The following ADARB1 variants were observed in gnomAD, a reference collection of about 807,000 sequenced individuals.
ADARB1 encodes the protein adenosine deaminase RNA specific B1.
Under a neutral mutation model 52.4 loss-of-function variants are expected in ADARB1, and 10 were observed. The ratio of observed to expected loss-of-function variants is 0.19; its 90% CI spans 0.12 to 0.32. The LOEUF (loss-of-function observed/expected upper bound fraction) is 0.32. Ranked by LOEUF, ADARB1 falls within the 10% of genes least tolerant of loss-of-function variation. ADARB1 has a pLI of 1.00. For missense variants in ADARB1, 643 were observed against 922.3 expected (o/e 0.70, Z 3.92); for synonymous variants, 349 against 371.1 (o/e 0.94, Z 0.68).
rs775079792 is a variant in ADARB1, at chr21:45,150,245, G to T, written c.-47-21365G>T. 7.2e-4 allele frequency among the ~76,000 whole-genome samples: 110 copies of T among 152,340 alleles called. No individual in the cohort carries two copies. In the Middle Eastern group the frequency reaches 0.014, roughly 19 times the overall value. On this transcript the variant is annotated intron_variant, in intron 2 of 10. Coordinates refer to ENST00000348831, the MANE Select transcript of ADARB1 (RefSeq NM_001112.4). ...GCTGAGATCCTGCCGCTGCATTCCA[G>T]CCTGGGCAACAGAGCAAAACTCTGT... is the stretch of plus-strand genomic sequence containing the variant.
intron 1 of ADARB1, among the ~76,000 whole-genome samples, chr21:45,100,321 G>A (rs1278890430): frequency 1.3e-5 from 2 of 152,100 alleles, no homozygotes; most frequent in African/African-American, 4.8e-5. Flanking sequence ...ACTGGCCCCC[G>A]TCAGTCACTG....
At chr21:45,211,869 T>TG (rs1318409227) in intron 9 of ADARB1, among the ~76,000 whole-genome samples, 2 of 152,320 alleles carry the variant, frequency 1.3e-5, no homozygotes, top group African/African-American at 4.8e-5. Flanking sequence ...CACACTGCAC[T>TG]GGCCTCAGGG....
At chr21:45,181,850 A>C (rs993333357) in intron 5 of ADARB1, among the ~76,000 whole-genome samples, 7 of 152,242 alleles carry the variant, frequency 4.6e-5, no homozygotes, top group African/African-American at 1.7e-4. Flanking sequence ...CATTAGTAGC[A>C]TGAGCCTCAG....
intron 2 of ADARB1, among the ~76,000 whole-genome samples, chr21:45,156,656 C>T (rs1263859989): frequency 6.6e-6 from 1 of 151,980 alleles, no homozygotes; most frequent in Non-Finnish European, 1.5e-5. Flanking sequence ...GTCATCCATT[C>T]ATCCATCCAC....
At chr21:45,097,980 C>T (rs1183838450) in intron 1 of ADARB1, among the ~76,000 whole-genome samples, 1 of 152,128 alleles carries the variant, frequency 6.6e-6, no homozygotes, top group Non-Finnish European at 1.5e-5. Context: ...AGCCTTTCTC[C>T]TTACAGTGAA....
chr21:45,093,284 C>T (rs966742821), intron 1 of ADARB1, among the ~76,000 whole-genome samples: 2 of 152,164 alleles, frequency 1.3e-5, no homozygotes, highest in Admixed American at 6.5e-5. Context: ...GTAGGAGTCT[C>T]GGGTAGGAGA....
intron 2 of ADARB1, chr21:45,145,877 C>G (rs1351143825): frequency 6.6e-6 from 1 of 152,220 alleles, no homozygotes; most frequent in Admixed American, 6.5e-5. Context: ...AAAGTCATAT[C>G]TCATTTAGTA....
chr21:45,084,333 C>T (rs953356842), intron 1 of ADARB1, among the ~76,000 whole-genome samples: 1 of 152,200 alleles, frequency 6.6e-6, no homozygotes, highest in Non-Finnish European at 1.5e-5. Flanking sequence ...GAGGCTCACG[C>T]GAGGCTGGCA....
At chr21:45,092,555 G>T (rs1356903751) in intron 1 of ADARB1, among the ~76,000 whole-genome samples, 1 of 152,124 alleles carries the variant, frequency 6.6e-6, no homozygotes, top group East Asian at 1.9e-4. Context: ...CAGGAATTCG[G>T]CTTTAGTCAA....
rs1157533122 is a variant in ADARB1 at position 45,106,888 on chromosome 21, G to C, written c.-219-21514G>C. On this transcript the variant is annotated intron_variant, in intron 1 of 10. Transcript: ENST00000348831. Reference sequence around the variant, plus strand: ...AGGCTGCACAAAGCACAGATGTGCAGTTTCATTAGTCAATATGGAGGAATC... The same window carrying C: ...AGGCTGCACAAAGCACAGATGTGCACTTTCATTAGTCAATATGGAGGAATC... Among the ~76,000 whole-genome samples the C allele has an allele frequency of 2.0e-5, 3 of 152,300 alleles. No homozygotes were observed. The East Asian group carries it at 5.8e-4, about 29-fold the overall frequency.
In ADARB1 at chr21:45,221,077, C is replaced by G. The variant is rs2146463539; in HGVS notation, c.1926+63C>G. 6.6e-7 allele frequency: 1 copy of G among 1,508,576 alleles called. No homozygotes were observed. Among genetic ancestry groups the G allele is most frequent in the South Asian group, 1.2e-5 (1 of 82,762 alleles). 93.4% of individuals were successfully genotyped at this position (1,508,576 alleles called of 1,614,324 possible). On this transcript the variant is annotated intron_variant, in intron 10 of 10. Transcript: ENST00000348831. This position sits in a 1 kb window ranked among gnomAD's most constrained non-coding sequence, Gnocchi z 4.9. ...CTCCCCAATAGCTTGTCTGTCCTCA[C>G]ACCTACTGTTCCTTAAGTTGTTTCA...
intron 9 of ADARB1, among the ~76,000 whole-genome samples, chr21:45,209,237 C>CT (rs34361145): frequency 0.033 from 4,967 of 151,380 alleles, 121 homozygotes; most frequent in Non-Finnish European, 0.048. Flanking sequence ...TTTTATCGTG[C>CT]TTTTTTTTTA....
chr21:45,125,604 T>C (rs997049300), intron 1 of ADARB1, among the ~76,000 whole-genome samples: 10 of 152,276 alleles, frequency 6.6e-5, no homozygotes, highest in East Asian at 1.9e-4. Flanking sequence ...CTGGGACTCA[T>C]TGGGGGAAGT....
Position 45,157,387 on chromosome 21 carries a change from C to T in ADARB1, c.-47-14223C>T, listed in dbSNP as rs1348418205. Among the ~76,000 whole-genome samples the T allele has an allele frequency of 6.6e-6, 1 of 152,060 alleles. No homozygotes were observed. ...CCCTTTGATTCCAGAAAATTAACTA[C>T]AATTTTCAAATAAGCAGGAACTTAC... On this transcript the variant is annotated intron_variant, in intron 2 of 10. Transcript: ENST00000348831. The surrounding 1 kb of genome is among the most constrained non-coding windows in gnomAD (Gnocchi z 4.1).
intron 1 of ADARB1, among the ~76,000 whole-genome samples, chr21:45,099,121 T>A (rs1299875456): frequency 6.6e-6 from 1 of 152,170 alleles, no homozygotes; most frequent in Non-Finnish European, 1.5e-5. Context: ...TAGCCGTGGA[T>A]CATAGCCTGA....
In ADARB1 at chr21:45,129,548, A is replaced by G. The variant is rs184220849; in HGVS notation, c.-48+975A>G. On this transcript the variant is annotated intron_variant, in intron 2 of 10. Coordinates refer to ENST00000348831, the MANE Select transcript of ADARB1 (RefSeq NM_001112.4). ...CTGACGAGCGCCCACTGGGCCTCAGATGCCCTCTGGGCATGGCAGGGACCA... is the reference window on the plus strand; with the variant it reads ...CTGACGAGCGCCCACTGGGCCTCAGGTGCCCTCTGGGCATGGCAGGGACCA... Among the ~76,000 whole-genome samples, 105 of 152,334 alleles carry G rather than the reference A, an allele frequency of 6.9e-4. 1 individual carries two copies. The highest frequency in any genetic ancestry group is 2.5e-3 in the African/African-American group (102 of 41,582).
At chr21:45,199,539 G>A (rs1313522993) in intron 8 of ADARB1, among the ~76,000 whole-genome samples, 1 of 152,218 alleles carries the variant, frequency 6.6e-6, no homozygotes, top group African/African-American at 2.4e-5. Context: ...GAAACAGGCT[G>A]TCTGTGCAGA....
intron 6 of ADARB1, 111 bp from the exon 7 acceptor site, chr21:45,183,251 C>T: frequency 9.8e-7 from 1 of 1,020,188 alleles, no homozygotes; most frequent in Non-Finnish European, 1.4e-6. Flanking sequence ...ATAAATATTC[C>T]AGTTCAAACT....
At chr21:45,087,865 T>C (rs1480175284) in intron 1 of ADARB1, among the ~76,000 whole-genome samples, 1 of 152,188 alleles carries the variant, frequency 6.6e-6, no homozygotes, top group Non-Finnish European at 1.5e-5. Flanking sequence ...CTGGATTCTG[T>C]GAGGCTGAAG....
Sources: allele counts gnomAD v4.1 joint callset (sites outside exome capture counted in the v4.1 genomes callset), GRCh38; gene constraint gnomAD v4.1.1; non-coding constraint Gnocchi (gnomAD v3.1); transcripts MANE v1.5; gene names NCBI Gene and HGNC (gene_info 2026-07-23, HGNC 2026-07-21).